Variants in DOCK11 observed in about 807,000 individuals in gnomAD.
DOCK11 encodes the protein dedicator of cytokinesis 11.
Under a neutral mutation model 169.1 loss-of-function variants are expected in DOCK11, and 70 were observed. That is an observed-to-expected ratio of 0.41 (90% CI 0.34 to 0.51). DOCK11 has a LOEUF of 0.51. DOCK11 is among the 20% of genes least tolerant of loss of function. DOCK11 has a pLI of 0.10. For missense variants in DOCK11, 1,166 were observed against 1,538.8 expected, an observed-to-expected ratio of 0.76 and a Z score of 4.05; for synonymous variants, 529 against 541.3, an observed-to-expected ratio of 0.98 and a Z score of 0.32.
chrX:118,535,284 A>G (rs1198702590), intron 1 of DOCK11, among the ~76,000 whole-genome samples: 2 of 112,145 alleles, frequency 1.8e-5, no homozygotes, highest in African/African-American at 6.5e-5. Flanking sequence ...TCCCAGCTCC[A>G]CAAATATGTG....
At chrX:118,546,353 A>G (rs2012283597) in intron 6 of DOCK11, among the ~76,000 whole-genome samples, 1 of 111,611 alleles carries the variant, frequency 9.0e-6, no homozygotes, top group South Asian at 3.7e-4. Context: ...ATGTTTAAAA[A>G]GGAGGCTGTC....
chrX:118,620,931 A>G (rs749929019), intron 31 of DOCK11, among the ~76,000 whole-genome samples: 1 of 112,930 alleles, frequency 8.9e-6, no homozygotes, highest in Non-Finnish European at 1.9e-5. Flanking sequence ...AAGAGAAAGA[A>G]AATTGGATTT....
At chrX:118,534,840 A>G (rs2011695488) in intron 1 of DOCK11, among the ~76,000 whole-genome samples, 1 of 111,818 alleles carries the variant, frequency 8.9e-6, no homozygotes, top group Non-Finnish European at 1.9e-5. Flanking sequence ...TGAATTAGAC[A>G]TGGTCCCTTG....
intron 30 of DOCK11, among the ~76,000 whole-genome samples, chrX:118,618,120 TTATAAG>T (rs2014871116): frequency 8.9e-6 from 1 of 112,040 alleles, no homozygotes; most frequent in Non-Finnish European, 1.9e-5. Context: ...TTTTCCCACT[TTATAAG>T]TATAAATGGA....
At chrX:118,503,942 G>T (rs5956065) in intron 1 of DOCK11, among the ~76,000 whole-genome samples, 12,849 of 110,797 alleles carry the variant, frequency 0.12, 865 homozygotes, top group African/African-American at 0.24. Flanking sequence ...CCCACTCTGG[G>T]GTGGGTCTGA....
chrX:118,592,286 C>A (rs1350868668), intron 19 of DOCK11, among the ~76,000 whole-genome samples: 1 of 97,084 alleles, frequency 1.0e-5, no homozygotes, highest in Non-Finnish European at 2.1e-5. Context: ...ACATCCTCTC[C>A]AGCACCTGTT....
At position 118,643,603 on chromosome X, in the gene DOCK11, A is replaced by G; in HGVS notation, c.4398+9A>G. On this transcript the variant is annotated intron_variant, in intron 40 of 52. Coordinates refer to ENST00000276202, the MANE Select transcript of DOCK11 (RefSeq NM_144658.4). Reference sequence around the variant, plus strand: ...GAGCTTTCATCAGTAAGGTAAGGACAGAAGCTTGGGAGCAGCCGGTGGGCT... The same window carrying G: ...GAGCTTTCATCAGTAAGGTAAGGACGGAAGCTTGGGAGCAGCCGGTGGGCT... The G allele has an allele frequency of 8.3e-7, 1 of 1,207,311 alleles. No homozygotes were observed. The highest frequency in any genetic ancestry group is 1.1e-6 in the Non-Finnish European group (1 of 894,036).
chrX:118,678,472 A>G (rs1230174168), intron 48 of DOCK11, among the ~76,000 whole-genome samples: 1 of 110,394 alleles, frequency 9.1e-6, no homozygotes, highest in African/African-American at 3.3e-5. Flanking sequence ...TTTTCTTTTT[A>G]TTTTATTTTA....
At chrX:118,505,467 T>C (rs1270425210) in intron 1 of DOCK11, among the ~76,000 whole-genome samples, 1 of 112,332 alleles carries the variant, frequency 8.9e-6, no homozygotes, top group Non-Finnish European at 1.9e-5. Flanking sequence ...TTTGTATATG[T>C]GTTACAAGTC....
At chrX:118,520,031 T>C (rs1450000880) in intron 1 of DOCK11, among the ~76,000 whole-genome samples, 1 of 111,790 alleles carries the variant, frequency 8.9e-6, no homozygotes, top group Non-Finnish European at 1.9e-5. Context: ...TCAAAAAATT[T>C]AAAATAGCCT....
intron 1 of DOCK11, among the ~76,000 whole-genome samples, chrX:118,496,576 G>A (rs1441713417): frequency 1.8e-5 from 2 of 112,528 alleles, no homozygotes; most frequent in Non-Finnish European, 3.8e-5. Flanking sequence ...CACCCAGAAA[G>A]CCCCGGGCGC....
intron 44 of DOCK11, among the ~76,000 whole-genome samples, chrX:118,655,338 G>A (rs1317736093): frequency 9.0e-6 from 1 of 110,793 alleles, no homozygotes; most frequent in Non-Finnish European, 1.9e-5. Context: ...AAAAAAAATA[G>A]TACAGGGCCA....
At chrX:118,549,106 C>CTGTGTG (rs57680469) in intron 6 of DOCK11, among the ~76,000 whole-genome samples, 44 of 99,102 alleles carry the variant, frequency 4.4e-4, no homozygotes, top group East Asian at 9.3e-4. Flanking sequence ...TGCTCATATT[C>CTGTGTG]TGTGTGTGTG....
intron 46 of DOCK11, among the ~76,000 whole-genome samples, chrX:118,672,722 A>T (rs769464984): frequency 2.6e-5 from 3 of 113,324 alleles, no homozygotes; most frequent in Middle Eastern, 4.6e-3. Flanking sequence ...GGCGTGAGCC[A>T]CCGTGCCCGG....
At chrX:118,504,860 C>G (rs2057600500) in intron 1 of DOCK11, among the ~76,000 whole-genome samples, 1 of 111,981 alleles carries the variant, frequency 8.9e-6, no homozygotes, top group African/African-American at 3.2e-5. Context: ...CTGCCATTGC[C>G]TTTGTAAGCT....
intron 22 of DOCK11, among the ~76,000 whole-genome samples, chrX:118,598,394 T>TA (rs35643381): frequency 2.0e-3 from 194 of 95,991 alleles, no homozygotes; most frequent in Middle Eastern, 5.2e-3. Context: ...CCCTGTCTCT[T>TA]AAAAAAAAAA....
At chrX:118,628,747 T>C (rs1357473959) in intron 34 of DOCK11, among the ~76,000 whole-genome samples, 2 of 112,738 alleles carry the variant, frequency 1.8e-5, no homozygotes, top group African/African-American at 6.4e-5. Flanking sequence ...TCAAGTCGTT[T>C]CACGCCTACC....
At chrX:118,612,333 T>C (rs1394185393) in intron 28 of DOCK11, among the ~76,000 whole-genome samples, 5 of 112,276 alleles carry the variant, frequency 4.5e-5, no homozygotes, top group African/African-American at 1.6e-4. Context: ...TTTTTGTGTA[T>C]TAAAAAAGCC....
intron 14 of DOCK11, among the ~76,000 whole-genome samples, chrX:118,583,276 C>T (rs371127085): frequency 2.7e-4 from 30 of 110,074 alleles, no homozygotes; most frequent in Middle Eastern, 4.7e-3. Flanking sequence ...CGGAGCCTTT[C>T]GGTGGGTTGG....
Sources: allele counts gnomAD v4.1 joint callset (sites outside exome capture counted in the v4.1 genomes callset), GRCh38; gene constraint gnomAD v4.1.1; transcripts MANE v1.5; gene names NCBI Gene and HGNC (gene_info 2026-07-23, HGNC 2026-07-21).